The following SPIRE2 variants were observed in gnomAD, a reference collection of about 807,000 sequenced individuals.
SPIRE2 encodes the protein spire type actin nucleation factor 2.
Under a neutral mutation model 80.7 loss-of-function variants are expected in SPIRE2, and 76 were observed. The observed-to-expected ratio is 0.94, with a 90% confidence interval of 0.78 to 1.14. The LOEUF (loss-of-function observed/expected upper bound fraction) is 1.14. Among genes scored for constraint, SPIRE2 ranks in the 50% most tolerant of loss-of-function variants. SPIRE2 has a pLI of 0.00. For missense variants in SPIRE2, 1,196 were observed against 1,015.3 expected (o/e 1.18, Z -2.42); for synonymous variants, 535 against 432.6 (o/e 1.24, Z -2.94).
At chr16:89,831,723 G>T (rs552802439) in intron 1 of SPIRE2, among the ~76,000 whole-genome samples, 8 of 151,224 alleles carry the variant, frequency 5.3e-5, no homozygotes, top group African/African-American at 1.2e-4. Context: ...TCACAGGCAG[G>T]CCCCGCTCTT....
At chr16:89,857,395 C>T (rs997912847) in intron 7 of SPIRE2, among the ~76,000 whole-genome samples, 2 of 151,960 alleles carry the variant, frequency 1.3e-5, no homozygotes, top group Non-Finnish European at 1.5e-5. Flanking sequence ...CTCAGCTTCC[C>T]GAAGTGCTGG....
chr16:89,831,944 C>T (rs1043970168), intron 1 of SPIRE2, among the ~76,000 whole-genome samples: 2 of 139,208 alleles, frequency 1.4e-5, no homozygotes, highest in Admixed American at 6.8e-5. Flanking sequence ...TAAACAGAAA[C>T]ATCCATAGTG....
At chr16:89,830,191 G>A (rs1339479292) in intron 1 of SPIRE2, among the ~76,000 whole-genome samples, 2 of 151,366 alleles carry the variant, frequency 1.3e-5, no homozygotes, top group East Asian at 3.9e-4. Flanking sequence ...CCTCAGAGCA[G>A]TGATCTGATT....
At chr16:89,861,674 T>C (rs2041745691) in intron 10 of SPIRE2, among the ~76,000 whole-genome samples, 2 of 152,230 alleles carry the variant, frequency 1.3e-5, no homozygotes, top group South Asian at 2.1e-4. Flanking sequence ...TCAGGGTCTT[T>C]CGTGAGGCTG....
In SPIRE2 at chr16:89,870,312, G is replaced by A. The variant is rs770290470; in HGVS notation, c.*40G>A. 99 of 1,399,372 alleles carry A rather than the reference G, an allele frequency of 7.1e-5. No individual in the cohort carries two copies. The highest frequency in any genetic ancestry group is 9.3e-5 in the Non-Finnish European group (94 of 1,008,342). 86.7% of individuals were successfully genotyped at this position (1,399,372 alleles called of 1,614,324 possible). A position where few individuals can be genotyped will look rare whatever the true frequency, so the allele number is the denominator to read the frequency against. On this transcript the variant is annotated 3_prime_UTR_variant, in exon 15 of 15. Coordinates refer to ENST00000378247, the MANE Select transcript of SPIRE2 (RefSeq NM_032451.2). ...CAGGCCTCCAGGAGGCACCAGGCAG[G>A]CCCTGTATCAGGCTAGGACGCTCTG...
At chr16:89,845,642 C>A (rs1799079703) in intron 2 of SPIRE2, 1 of 701,066 alleles carries the variant, frequency 1.4e-6, no homozygotes, top group Non-Finnish European at 2.6e-6. Flanking sequence ...AGATGAGGGG[C>A]ACAGCTGACG....
chr16:89,855,413 G>A (rs1036793469), intron 5 of SPIRE2, among the ~76,000 whole-genome samples, 187 bp from the exon 6 acceptor site: 9 of 152,248 alleles, frequency 5.9e-5, no homozygotes, highest in Admixed American at 3.9e-4. Context: ...TGCTGTGGCC[G>A]CCCAGAGCAT....
intron 1 of SPIRE2, among the ~76,000 whole-genome samples, chr16:89,831,186 G>A (rs1358898193): frequency 1.3e-5 from 2 of 150,574 alleles, no homozygotes; most frequent in African/African-American, 4.9e-5. Flanking sequence ...TGGGATTACA[G>A]GCGTGAGCCA....
chr16:89,869,628 C>T lies in SPIRE2; in HGVS notation c.1868C>T (p.Pro623Leu). The T allele has an allele frequency of 6.2e-7, 1 of 1,614,158 alleles. No individual in the cohort carries two copies. Among genetic ancestry groups the T allele is most frequent in the South Asian group, 1.1e-5 (1 of 91,084 alleles). ...GTCTACACACTGGGCTTTGAGAGTC[C>T]TCAGAGGGTATCAGCTGCCAAAACC... ...IPVYTLGFES[P>L]QRVSAAKTAP... The change falls in exon 14 of 15, where the codon CCT becomes CTT. Residue 623 changes from proline (P) to leucine (L), a missense_variant. Physicochemically the swap from Pro to Leu is moderately conservative, Grantham distance 98 (BLOSUM62 -3). Coordinates refer to ENST00000378247, the MANE Select transcript of SPIRE2 (RefSeq NM_032451.2).
At chr16:89,840,380 A>G (rs1034545834) in intron 1 of SPIRE2, among the ~76,000 whole-genome samples, 11 of 149,418 alleles carry the variant, frequency 7.4e-5, no homozygotes, top group Non-Finnish European at 1.5e-4. Context: ...CTCCCGAATA[A>G]CTGGGACTAC....
In SPIRE2 at chr16:89,828,537, A is replaced by G; in HGVS notation, c.-14A>G. The G allele has an allele frequency of 9.3e-7, 1 of 1,076,726 alleles. No homozygotes were observed. The highest frequency in any genetic ancestry group is 1.1e-6 in the Non-Finnish European group (1 of 891,282). The allele number at this position is 1,076,726 out of a possible 1,614,324, so 66.7% of individuals were successfully genotyped here. ...ACGCGGGTCCGGCGCGCGGGAGGCG[A>G]TGACGGCCCCGCCATGGCCCGGGCG... On this transcript the variant is annotated 5_prime_UTR_variant, in exon 1 of 15. An upstream start codon of the reference 5' UTR is lost. Transcript: ENST00000378247. This position sits in a 1 kb window ranked among gnomAD's most constrained non-coding sequence, Gnocchi z 5.9.
chr16:89,863,916 C>T lies in SPIRE2; in HGVS notation c.1778+55C>T, dbSNP rs1024632770. Reference sequence around the variant, plus strand: ...AAGGGAAGGAGGAGGCGAGAAACCTCGGGGCAGTACCGCCCACAGAACTTC... The same window carrying T: ...AAGGGAAGGAGGAGGCGAGAAACCTTGGGGCAGTACCGCCCACAGAACTTC... On this transcript the variant is annotated intron_variant, in intron 12 of 14. Transcript: ENST00000378247. The surrounding 1 kb of genome is among the most constrained non-coding windows in gnomAD (Gnocchi z 4.3). The T allele has an allele frequency of 4.4e-6, 6 of 1,376,850 alleles. No individual in the cohort carries two copies. Among genetic ancestry groups the T allele is most frequent in the Non-Finnish European group, 6.1e-6 (6 of 982,560 alleles). 85.3% of individuals were successfully genotyped at this position (1,376,850 alleles called of 1,614,324 possible).
intron 14 of SPIRE2, 67 bp from the exon 15 acceptor site, chr16:89,869,983 C>G (rs528488855): frequency 2.1e-6 from 3 of 1,409,688 alleles, no homozygotes; most frequent in Admixed American, 1.9e-5. Flanking sequence ...GTGGCATGCA[C>G]AAGCAGGGAG....
intron 2 of SPIRE2, among the ~76,000 whole-genome samples, chr16:89,849,348 G>A (rs900217369): frequency 2.0e-5 from 3 of 152,350 alleles, no homozygotes; most frequent in South Asian, 2.1e-4. Flanking sequence ...CAAGGGGACC[G>A]ACCTCTCCAT....
At chr16:89,867,677 C>G (rs2041802080) in intron 12 of SPIRE2, among the ~76,000 whole-genome samples, 1 of 151,916 alleles carries the variant, frequency 6.6e-6, no homozygotes, top group Admixed American at 6.6e-5. Context: ...CTCCACTTCC[C>G]AGGTTCATGC....
Position 89,858,368 on chromosome 16 carries a change from C to G in SPIRE2, c.1133C>G (p.Ala378Gly). Residue 378 changes from alanine to glycine, a missense_variant, in exon 8 of 15, where the codon GCC (alanine) becomes GGC (glycine). Coordinates refer to ENST00000378247, the MANE Select transcript of SPIRE2 (RefSeq NM_032451.2). ...GGCTCTCTGCCCTGCATCCTCAACG[C>G]CTGCTCCGGAGATGCCAAGTCCACC... ...GFGSLPCILN[A>G]CSGDAKSTSC... is the part of the protein sequence containing the mutation. The G allele has an allele frequency of 6.2e-7, 1 of 1,610,612 alleles. No homozygotes were observed. Among genetic ancestry groups the G allele is most frequent in the Non-Finnish European group, 8.5e-7 (1 of 1,178,916 alleles).
chr16:89,840,391 A>C (rs1478325343), intron 1 of SPIRE2, among the ~76,000 whole-genome samples: 3 of 151,252 alleles, frequency 2.0e-5, no homozygotes. Flanking sequence ...CTGGGACTAC[A>C]GGCGCCCGCC....
chr16:89,830,213 C>T (rs1567666795), intron 1 of SPIRE2, among the ~76,000 whole-genome samples: 1 of 151,232 alleles, frequency 6.6e-6, no homozygotes, highest in African/African-American at 2.4e-5. Flanking sequence ...TCTCCACCTC[C>T]ATCCCTGGGT....
chr16:89,860,081 C>T (rs747961275), intron 9 of SPIRE2, among the ~76,000 whole-genome samples: 6 of 152,106 alleles, frequency 3.9e-5, no homozygotes, highest in Non-Finnish European at 1.5e-5. Flanking sequence ...GGAGGGAGGT[C>T]GACCCCAGCT....
Sources: allele counts gnomAD v4.1 joint callset (sites outside exome capture counted in the v4.1 genomes callset), GRCh38; gene constraint gnomAD v4.1.1; non-coding constraint Gnocchi (gnomAD v3.1); transcripts MANE v1.5; gene names NCBI Gene and HGNC (gene_info 2026-07-23, HGNC 2026-07-21).